The following SUGCT variants were observed in gnomAD, a reference collection of about 807,000 sequenced individuals.
SUGCT encodes the protein succinyl-CoA:glutarate-CoA transferase.
In SUGCT, 41 loss-of-function variants were observed where a neutral mutation model predicts 55.0. The ratio of observed to expected loss-of-function variants is 0.74; its 90% confidence interval spans 0.58 to 0.97. The LOEUF (loss-of-function observed/expected upper bound fraction) is 0.97, where lower values mean the gene tolerates loss of function less well. SUGCT is among the 50% of genes least tolerant of loss of function. The pLI is 0.00. For missense variants in SUGCT, 568 were observed against 547.8 expected, an observed-to-expected ratio of 1.04 and a Z score of -0.37; for synonymous variants, 187 against 200.4, an observed-to-expected ratio of 0.93 and a Z score of 0.56.
At chr7:41,021,979 T>A in the SUGCT span, among the ~76,000 whole-genome samples, 1 of 151,856 alleles carries the variant, frequency 6.6e-6, no homozygotes, top group Non-Finnish European at 1.5e-5. Context: ...CAGCCTAAAA[T>A]ATATCAAATT....
chr7:40,298,640 G>A (rs1584615021), intron 8 of SUGCT, among the ~76,000 whole-genome samples: 1 of 152,196 alleles, frequency 6.6e-6, no homozygotes, highest in South Asian at 2.1e-4. Flanking sequence ...AAGATGACTT[G>A]AAAGAGAATT....
intron 7 of SUGCT, among the ~76,000 whole-genome samples, chr7:40,249,343 A>ATC (rs1562612299): frequency 8.1e-6 from 1 of 124,106 alleles, no homozygotes; most frequent in Non-Finnish European, 1.7e-5. Flanking sequence ...ATATATATAT[A>ATC]TATAATTATA....
the SUGCT span, among the ~76,000 whole-genome samples, chr7:41,035,739 A>G: frequency 6.6e-6 from 1 of 152,236 alleles, no homozygotes; most frequent in African/African-American, 2.4e-5. Context: ...GTGTGCTGAT[A>G]TATCAAATAT....
At chr7:40,379,683 T>C (rs1784777609) in intron 9 of SUGCT, among the ~76,000 whole-genome samples, 1 of 152,184 alleles carries the variant, frequency 6.6e-6, no homozygotes, top group Admixed American at 6.5e-5. Context: ...AAGGGCTCTG[T>C]CTGTGCTGAG....
intron 12 of SUGCT, among the ~76,000 whole-genome samples, chr7:40,612,475 G>A (rs1223205721): frequency 2.0e-5 from 3 of 152,166 alleles, no homozygotes; most frequent in South Asian, 2.1e-4. Flanking sequence ...TCAGGACCTT[G>A]TCTTTGTTTA....
chr7:40,963,653 A>C, the SUGCT span, among the ~76,000 whole-genome samples: 1 of 152,210 alleles, frequency 6.6e-6, no homozygotes, highest in East Asian at 1.9e-4. Flanking sequence ...TATGGCATAA[A>C]TATGGGGGAA....
rs538041780 is a variant in SUGCT, at chr7:40,544,264, A to G, written c.1089+47878A>G. Among the ~76,000 whole-genome samples the G allele has an allele frequency of 5.6e-4, 85 of 151,972 alleles. No homozygotes were observed. The South Asian group carries it at 0.017, about 31-fold the overall frequency. ...TTTCCTCCATAACCCAGGAGTCTTC[A>G]CTGCCAGGCTCTGGCCCCTGTGTCT... On this transcript the variant is annotated intron_variant, in intron 12 of 13. Coordinates refer to ENST00000335693, the MANE Select transcript of SUGCT (RefSeq NM_001193313.2).
chr7:40,516,929 T>G (rs1338471284), intron 12 of SUGCT, among the ~76,000 whole-genome samples: 1 of 152,122 alleles, frequency 6.6e-6, no homozygotes, highest in Admixed American at 6.5e-5. Flanking sequence ...TGATGTCTTG[T>G]CAATATTAAT....
chr7:40,242,939 T>A (rs1294771820), intron 7 of SUGCT, among the ~76,000 whole-genome samples: 147 of 49,152 alleles, frequency 3.0e-3, no homozygotes, highest in Middle Eastern at 7.8e-3. Context: ...ATATATTTTT[T>A]TTTTTTTTTT....
At chr7:40,261,204 C>T (rs77637317) in intron 7 of SUGCT, among the ~76,000 whole-genome samples, 4,908 of 152,144 alleles carry the variant, frequency 0.032, 133 homozygotes, top group Non-Finnish European at 0.048. Context: ...AGATGTAGAG[C>T]AGTTATTGTT....
intron 12 of SUGCT, among the ~76,000 whole-genome samples, chr7:40,526,915 T>A (rs1320458127): frequency 6.6e-6 from 1 of 152,202 alleles, no homozygotes; most frequent in Non-Finnish European, 1.5e-5. Flanking sequence ...AACATTATGA[T>A]GATGTTCGGG....
At chr7:40,900,019 C>T in the SUGCT span, among the ~76,000 whole-genome samples, 2 of 152,152 alleles carry the variant, frequency 1.3e-5, no homozygotes, top group African/African-American at 4.8e-5. Context: ...CTAGAGGTCA[C>T]AGTAGTAGCA....
At chr7:40,755,500 C>T (rs1210826515) in intron 13 of SUGCT, among the ~76,000 whole-genome samples, 1 of 152,130 alleles carries the variant, frequency 6.6e-6, no homozygotes, top group Non-Finnish European at 1.5e-5. Context: ...TATCACATTC[C>T]AAAGGTTGGC....
intron 13 of SUGCT, among the ~76,000 whole-genome samples, chr7:40,815,357 G>A (rs937977706): frequency 1.3e-5 from 2 of 152,230 alleles, no homozygotes; most frequent in African/African-American, 4.8e-5. Context: ...GTGGGACTGA[G>A]GGGTAGTTTA....
the SUGCT span, among the ~76,000 whole-genome samples, chr7:40,921,534 G>A: frequency 1.3e-5 from 2 of 152,236 alleles, no homozygotes; most frequent in Admixed American, 6.5e-5. Context: ...GGGAGACCAG[G>A]CTTAGTGTAG....
intron 12 of SUGCT, among the ~76,000 whole-genome samples, chr7:40,576,820 A>G (rs981688794): frequency 6.6e-6 from 1 of 152,174 alleles, no homozygotes. Flanking sequence ...CCTGCCTCCT[A>G]TGCTTTCACC....
intron 9 of SUGCT, among the ~76,000 whole-genome samples, chr7:40,421,852 T>G (rs746802884): frequency 3.3e-5 from 5 of 152,176 alleles, no homozygotes; most frequent in Admixed American, 2.0e-4. Flanking sequence ...TGCACTAACT[T>G]TGAGCTGTGG....
At chr7:40,360,319 T>C (rs891607037) in intron 9 of SUGCT, among the ~76,000 whole-genome samples, 3 of 148,562 alleles carry the variant, frequency 2.0e-5, no homozygotes, top group Non-Finnish European at 4.4e-5. Context: ...CAGCCTAAGA[T>C]TTTTTTTTAA....
chr7:40,746,852 TTTGTC>T (rs753495486), intron 12 of SUGCT, among the ~76,000 whole-genome samples: 5 of 152,202 alleles, frequency 3.3e-5, no homozygotes, highest in Non-Finnish European at 5.9e-5. Flanking sequence ...AACACTCACT[TTTGTC>T]TTTCGTGAGT....
Sources: allele counts gnomAD v4.1 joint callset (sites outside exome capture counted in the v4.1 genomes callset), GRCh38; gene constraint gnomAD v4.1.1; transcripts MANE v1.5; gene names NCBI Gene and HGNC (gene_info 2026-07-23, HGNC 2026-07-21).